The following UCK2 variants were observed in gnomAD, a reference collection of about 807,000 sequenced individuals.
UCK2 encodes the protein cytidine monophosphokinase 2.
In UCK2, 6 loss-of-function variants were observed where a neutral mutation model predicts 30.8. The observed-to-expected ratio is 0.19, with a 90% CI of 0.11 to 0.38. The LOEUF (loss-of-function observed/expected upper bound fraction) is 0.38. UCK2 is among the 10% of genes least tolerant of loss of function. UCK2 has a pLI of 1.00. For synonymous variants in UCK2, 125 were observed against 133.6 expected (o/e 0.94, Z 0.45); for missense variants, 210 against 339.8 (o/e 0.62, Z 3.00).
Position 165,910,161 on chromosome 1 carries a change from CTG to C in UCK2, c.*2340_*2341del, listed in dbSNP as rs1002446013. On this transcript the variant is annotated 3_prime_UTR_variant, in exon 7 of 7. Coordinates refer to ENST00000367879, the MANE Select transcript of UCK2 (RefSeq NM_012474.5). ...AGTGTCTGCTGGGGTCTGTGACACA[CTG>C]TTTCTGGAACAAGGAAGGGATGGAA... 1.3e-5 allele frequency: 2 copies of C among 152,310 alleles called. No individual in the cohort carries two copies. The highest frequency in any genetic ancestry group is 2.9e-5 in the Non-Finnish European group (2 of 68,104). 9.4% of individuals were successfully genotyped at this position (152,310 alleles called of 1,614,324 possible).
At chr1:165,872,897 C>G (rs1174172159) in intron 1 of UCK2, among the ~76,000 whole-genome samples, 2 of 152,092 alleles carry the variant, frequency 1.3e-5, no homozygotes, top group South Asian at 4.1e-4. Flanking sequence ...ATCAGCAATC[C>G]GGCTGGGAGA....
intron 1 of UCK2, among the ~76,000 whole-genome samples, chr1:165,849,427 T>A (rs1654537648): frequency 6.6e-6 from 1 of 151,990 alleles, no homozygotes; most frequent in African/African-American, 2.4e-5. Context: ...GATTTCTCTA[T>A]GGGGCTGCAG....
rs1223282712 is a variant in UCK2, at chr1:165,861,627, C to CAAAA, written c.100-28558_100-28555dup. ...TGGGCGACAGAGCGAGACTCCGTCTCAAAAAAAAAAAAAAAAAAAAAACAA... is the reference window on the plus strand; with the variant it reads ...TGGGCGACAGAGCGAGACTCCGTCTCAAAAAAAAAAAAAAAAAAAAAAAAAACAA... On this transcript the variant is annotated intron_variant, in intron 1 of 6. Transcript: ENST00000367879. Among the ~76,000 whole-genome samples the CAAAA allele has an allele frequency of 3.8e-3, 59 of 15,722 alleles. 1 individual carries two copies. Among genetic ancestry groups the CAAAA allele is most frequent in the Non-Finnish European group, 5.5e-3 (46 of 8,346 alleles). The allele number at this position is 15,722 out of a possible 152,430, so 10.3% of individuals were successfully genotyped here.
rs377303949 is a variant in UCK2, at chr1:165,876,068, T to C, written c.100-14136T>C. On this transcript the variant is annotated intron_variant, in intron 1 of 6. Coordinates refer to ENST00000367879, the MANE Select transcript of UCK2 (RefSeq NM_012474.5). ...TGGGAGTTATGGACCAGGAACCTGG[T>C]TGAAAACCATTATAAATCATAACAC... Among the ~76,000 whole-genome samples the C allele has an allele frequency of 6.6e-5, 10 of 152,336 alleles. No individual in the cohort carries two copies. In the East Asian group the frequency reaches 1.9e-3, roughly 29 times the overall value.
intron 1 of UCK2, among the ~76,000 whole-genome samples, chr1:165,848,491 G>T (rs1462535483): frequency 6.6e-6 from 1 of 152,118 alleles, no homozygotes; most frequent in African/African-American, 2.4e-5. Flanking sequence ...AATTAGCCGG[G>T]TATATTGGCG....
intron 1 of UCK2, among the ~76,000 whole-genome samples, chr1:165,840,271 A>G (rs966499436): frequency 2.0e-5 from 3 of 152,266 alleles, no homozygotes; most frequent in Non-Finnish European, 4.4e-5. Flanking sequence ...TTTAATTGAC[A>G]AATGAAAATA....
intron 1 of UCK2, among the ~76,000 whole-genome samples, chr1:165,838,535 T>A (rs1388076168): frequency 6.6e-6 from 1 of 152,188 alleles, no homozygotes; most frequent in Non-Finnish European, 1.5e-5. Flanking sequence ...GTTGAATGGT[T>A]GAAGAATGAG....
chr1:165,869,597 GTTTC>G (rs1383497148), intron 1 of UCK2, among the ~76,000 whole-genome samples: 4 of 140,598 alleles, frequency 2.8e-5, no homozygotes, highest in Admixed American at 7.3e-5. Flanking sequence ...GTTCTTTCTA[GTTTC>G]TTTCTTAAAA....
chr1:165,853,347 A>G (rs950498658), intron 1 of UCK2, among the ~76,000 whole-genome samples: 3 of 151,412 alleles, frequency 2.0e-5, no homozygotes, highest in Non-Finnish European at 4.4e-5. Context: ...CTTGTCAGGC[A>G]TATTTGATAT....
chr1:165,830,417 C>T (rs575391622), intron 1 of UCK2, among the ~76,000 whole-genome samples: 41 of 151,976 alleles, frequency 2.7e-4, no homozygotes, highest in East Asian at 1.5e-3. Context: ...CTCCGCCTCC[C>T]GGGTTCATGC....
chr1:165,881,731 C>G (rs1038013861), intron 1 of UCK2, among the ~76,000 whole-genome samples: 24 of 152,206 alleles, frequency 1.6e-4, no homozygotes, highest in African/African-American at 4.8e-4. Flanking sequence ...TATCATCACT[C>G]AGTTAATTTT....
At chr1:165,828,152 G>A (rs1317222039) in intron 1 of UCK2, among the ~76,000 whole-genome samples, 2 of 151,938 alleles carry the variant, frequency 1.3e-5, no homozygotes, top group South Asian at 2.1e-4. Context: ...GGGGTACGCG[G>A]CCACGATCGC....
chr1:165,890,332 C>T lies in UCK2; in HGVS notation c.228C>T (p.Ala76=), dbSNP rs763677046. 6.2e-7 allele frequency: 1 copy of T among 1,613,940 alleles called. No individual in the cohort carries two copies. The highest frequency in any genetic ancestry group is 8.5e-7 in the Non-Finnish European group (1 of 1,180,004). The change falls in exon 2 of 7, where the codon GCC becomes GCT. Residue 76 remains alanine (A), a synonymous_variant. Coordinates refer to ENST00000367879, the MANE Select transcript of UCK2 (RefSeq NM_012474.5). The part of the protein sequence containing the change: ...RVLTSEQKAK[A]LKGQFNFDHP... ...TTACCTCGGAGCAGAAGGCCAAAGC[C>T]CTGAAGGGCCAGTTCAACTTTGACC...
Position 165,837,181 on chromosome 1 carries a change from T to C in UCK2, c.99+9249T>C, listed in dbSNP as rs1273656034. Among the ~76,000 whole-genome samples the C allele has an allele frequency of 5.9e-5, 9 of 152,272 alleles. 1 individual carries two copies. The East Asian group carries it at 1.7e-3, about 29-fold the overall frequency. On this transcript the variant is annotated intron_variant, in intron 1 of 6. Transcript: ENST00000367879. ...GCATCAAGTTTTCAACACGTGAACT[T>C]TGGAGGACACTTTCAAACCACAGCC...
chr1:165,861,641 AAAAAAAAACAAAAAAAAAC>A, intron 1 of UCK2, among the ~76,000 whole-genome samples: 1 of 111,230 alleles, frequency 9.0e-6, no homozygotes, highest in East Asian at 2.8e-4. Context: ...AAAAAAAAAA[AAAAAAAAACAAAAAAAAAC>A]AACAGTAAAA....
chr1:165,828,295 G>A (rs1653948505), intron 1 of UCK2, among the ~76,000 whole-genome samples: 1 of 152,192 alleles, frequency 6.6e-6, no homozygotes, highest in Non-Finnish European at 1.5e-5. Flanking sequence ...GCTTTCCGCA[G>A]GATCCCCCAC....
At chr1:165,847,452 C>T (rs115771941) in intron 1 of UCK2, among the ~76,000 whole-genome samples, 2,784 of 152,220 alleles carry the variant, frequency 0.018, 64 homozygotes, top group African/African-American at 0.057. Context: ...TCACCCCAGC[C>T]CATTTTTAAG....
chr1:165,840,681 C>T (rs2101851852), intron 1 of UCK2, among the ~76,000 whole-genome samples: 1 of 152,318 alleles, frequency 6.6e-6, no homozygotes, highest in East Asian at 1.9e-4. Context: ...ATTGGGCACC[C>T]TCTTCCTGGG....
chr1:165,850,673 C>T (rs1053246278), intron 1 of UCK2, among the ~76,000 whole-genome samples: 1 of 146,332 alleles, frequency 6.8e-6, no homozygotes, highest in Non-Finnish European at 1.5e-5. Flanking sequence ...GGCTGGAGTG[C>T]AGTGGCGAGA....
Sources: gnomAD v4.1 joint callset for allele counts (sites outside exome capture counted in the v4.1 genomes callset) on GRCh38, gnomAD v4.1.1 for gene constraint, MANE v1.5 for transcripts, NCBI Gene and HGNC (gene_info 2026-07-23, HGNC 2026-07-21) for gene names.